SNX6: variants seen among roughly 807,000 people sequenced by gnomAD.
The protein encoded by SNX6 is sorting nexin 6, also known as sorting nexin-6.
SNX6 carries 34 observed loss-of-function variants against 63.0 expected under a neutral mutation model. The ratio of observed to expected loss-of-function variants is 0.54; its 90% CI spans 0.41 to 0.72. The LOEUF (loss-of-function observed/expected upper bound fraction) is 0.72, where lower values mean the gene tolerates loss of function less well. Among genes scored for constraint, SNX6 ranks in the 30% least tolerant of loss-of-function variants. The pLI is 0.00. For synonymous variants in SNX6, 170 were observed against 164.2 expected (o/e 1.04, Z -0.27); for missense variants, 398 against 471.4 (o/e 0.84, Z 1.44).
intron 11 of SNX6, 81 bp downstream of exon 11, chr14:34,575,675 C>A: frequency 3.3e-6 from 2 of 613,068 alleles, no homozygotes; most frequent in Non-Finnish European, 5.8e-6. Context: ...GGAGATAAAT[C>A]ATCATTAACA....
chr14:34,569,750 G>A (rs12880885), intron 11 of SNX6, among the ~76,000 whole-genome samples: 115,940 of 152,130 alleles, frequency 0.76, 44,842 homozygotes, highest in East Asian at 0.83. Flanking sequence ...CTACTGCTGA[G>A]TAGTATTTCA....
chr14:34,574,027 T>C (rs1168798727), intron 11 of SNX6, among the ~76,000 whole-genome samples: 1 of 151,948 alleles, frequency 6.6e-6, no homozygotes, highest in East Asian at 1.9e-4. Context: ...AATGGAGGAC[T>C]TGCATAGACC....
intron 3 of SNX6, among the ~76,000 whole-genome samples, chr14:34,608,993 C>T (rs1442289377): frequency 1.3e-5 from 2 of 152,016 alleles, no homozygotes; most frequent in African/African-American, 2.4e-5. Context: ...GATCATGCCA[C>T]TGCACTCCAG....
chr14:34,610,382 A>C (rs1883182909), intron 2 of SNX6, among the ~76,000 whole-genome samples: 1 of 141,190 alleles, frequency 7.1e-6, no homozygotes, highest in Admixed American at 7.2e-5. Flanking sequence ...AACTTCTTCC[A>C]AAAAAAAAAA....
chr14:34,572,723 C>G (rs1881502489), intron 11 of SNX6, among the ~76,000 whole-genome samples: 1 of 151,998 alleles, frequency 6.6e-6, no homozygotes, highest in African/African-American at 2.4e-5. Context: ...CTCTGTCCCC[C>G]AGGCCGGAGT....
chr14:34,630,098 G>A lies in SNX6; in HGVS notation c.6+13C>T. On this transcript the variant is annotated intron_variant, in intron 1 of 13. Coordinates refer to ENST00000362031, the MANE Select transcript of SNX6 (RefSeq NM_152233.4). Reference sequence around the variant, plus strand: ...CCGCGCTCCCGGGACTCGGCGCCGCGGAGAACACCCACCATCATGGCTGCT... The same window carrying A: ...CCGCGCTCCCGGGACTCGGCGCCGCAGAGAACACCCACCATCATGGCTGCT... The A allele has an allele frequency of 2.8e-6, 4 of 1,447,462 alleles. No homozygotes were observed. Among genetic ancestry groups the A allele is most frequent in the Admixed American group, 3.0e-5 (1 of 33,534 alleles). The allele number at this position is 1,447,462 out of a possible 1,614,324, so 89.7% of individuals were successfully genotyped here. A position where few individuals can be genotyped will look rare whatever the true frequency, so the allele number is the denominator to read the frequency against.
chr14:34,627,953 CTA>C (rs1413748711), intron 2 of SNX6, among the ~76,000 whole-genome samples: 1 of 152,148 alleles, frequency 6.6e-6, no homozygotes, highest in Non-Finnish European at 1.5e-5. Flanking sequence ...ACTAGTAATT[CTA>C]TATGATGCTT....
chr14:34,583,988 C>T (rs1390576127), intron 9 of SNX6, among the ~76,000 whole-genome samples: 2 of 151,770 alleles, frequency 1.3e-5, no homozygotes, highest in Non-Finnish European at 2.9e-5. Context: ...GCTGGGATTA[C>T]AGGCATGCGC....
chr14:34,610,419 T>C (rs1020131754), intron 2 of SNX6, among the ~76,000 whole-genome samples: 1 of 148,464 alleles, frequency 6.7e-6, no homozygotes, highest in African/African-American at 2.5e-5. Context: ...AAGAAAGTGG[T>C]CCATCTAAGT....
At position 34,567,765 on chromosome 14, in the gene SNX6, A is replaced by G. The variant is rs142172227; in HGVS notation, c.1088T>C (p.Ile363Thr). The change falls in exon 13 of 14, where the codon ATA becomes ACA. Residue 363 changes from isoleucine to threonine, a missense_variant. Physicochemically the swap from Ile to Thr is moderately conservative, Grantham distance 89. Transcript: ENST00000362031. ...KISESAKQEL[I>T]DFKTRRVAAF... is the part of the protein sequence containing the mutation. ...AGCAACTCTTCTTGTCTTAAAATCTATAAGTTCTGTGAAAAAGAAATTAGG... is the reference window on the plus strand; with the variant it reads ...AGCAACTCTTCTTGTCTTAAAATCTGTAAGTTCTGTGAAAAAGAAATTAGG... The G allele has an allele frequency of 4.9e-4, 791 of 1,613,482 alleles. 1 individual carries two copies. Among genetic ancestry groups the G allele is most frequent in the East Asian group, 3.8e-4 (17 of 44,832 alleles).
chr14:34,592,180 G>T (rs2138318918), intron 8 of SNX6, among the ~76,000 whole-genome samples: 1 of 152,282 alleles, frequency 6.6e-6, no homozygotes, highest in East Asian at 1.9e-4. Flanking sequence ...GAGGTCAGGA[G>T]TTCAAGACCA....
chr14:34,568,957 G>C (rs1881317863), intron 11 of SNX6: 2 of 1,382,476 alleles, frequency 1.4e-6, no homozygotes, highest in East Asian at 4.6e-5. Context: ...TGTGGAAGCA[G>C]CTCGCGTGTA....
intron 11 of SNX6, among the ~76,000 whole-genome samples, chr14:34,574,260 C>T (rs985038784): frequency 2.7e-5 from 4 of 150,212 alleles, no homozygotes; most frequent in African/African-American, 7.4e-5. Flanking sequence ...CACTTGAAGC[C>T]GGGAGGCGGA....
chr14:34,585,346 C>A (rs1298725114), intron 9 of SNX6, among the ~76,000 whole-genome samples: 1 of 151,842 alleles, frequency 6.6e-6, no homozygotes, highest in Non-Finnish European at 1.5e-5. Flanking sequence ...ATGGTGAAAC[C>A]CCATCTCTAC....
At chr14:34,613,692 C>G (rs912435294) in intron 2 of SNX6, among the ~76,000 whole-genome samples, 1 of 151,988 alleles carries the variant, frequency 6.6e-6, no homozygotes, top group African/African-American at 2.4e-5. Flanking sequence ...ACTCCGGAGG[C>G]TGAGGCAGGA....
chr14:34,628,800 A>T (rs1199332906), intron 2 of SNX6, among the ~76,000 whole-genome samples: 5 of 152,146 alleles, frequency 3.3e-5, no homozygotes. Flanking sequence ...AAAAGGGAAA[A>T]CTGAAGTGCA....
At chr14:34,591,685 T>G (rs1471638616) in intron 8 of SNX6, among the ~76,000 whole-genome samples, 9 of 152,306 alleles carry the variant, frequency 5.9e-5, no homozygotes, top group Middle Eastern at 3.4e-3. Context: ...GTCAGAGAGA[T>G]AAAGTTTTCC....
chr14:34,614,634 T>C (rs1156998585), intron 2 of SNX6, among the ~76,000 whole-genome samples: 1 of 152,148 alleles, frequency 6.6e-6, no homozygotes, highest in Non-Finnish European at 1.5e-5. Context: ...ATGAAATATT[T>C]TGGCCAGCCA....
intron 3 of SNX6, 64 bp downstream of exon 3, chr14:34,609,574 C>T (rs761450885): frequency 3.1e-4 from 268 of 855,654 alleles, no homozygotes; most frequent in Non-Finnish European, 4.4e-4. Context: ...CAAGTCTGGT[C>T]AACATATCAC....
Sources: allele counts gnomAD v4.1 joint callset (sites outside exome capture counted in the v4.1 genomes callset), GRCh38; gene constraint gnomAD v4.1.1; transcripts MANE v1.5; gene names NCBI Gene and HGNC (gene_info 2026-07-23, HGNC 2026-07-21).